Variants in MGAT4C observed in about 807,000 individuals in gnomAD.
MGAT4C encodes the protein MGAT4 family member C.
A neutral mutation model predicts 40.1 loss-of-function variants in MGAT4C; 19 were observed. That is an observed-to-expected ratio of 0.47 (90% CI 0.33 to 0.70). The LOEUF (loss-of-function observed/expected upper bound fraction) is 0.70. Ranked by LOEUF, MGAT4C falls within the 30% of genes least tolerant of loss-of-function variation. The pLI is 0.02. For synonymous variants in MGAT4C, 181 were observed against 187.1 expected (o/e 0.97, Z 0.27); for missense variants, 491 against 563.2 (o/e 0.87, Z 1.30).
chr12:86,290,841 T>G lies in MGAT4C; in HGVS notation c.-57+43224A>C, dbSNP rs76657966. Among the ~76,000 whole-genome samples the G allele has an allele frequency of 0.02, 3,046 of 152,256 alleles. 230 individuals carry two copies. In the East Asian group the frequency reaches 0.25, roughly 12 times the overall value. On this transcript the variant is annotated intron_variant, in intron 4 of 7. Coordinates refer to the MGAT4C transcript ENST00000548651. Reference sequence around the variant, plus strand: ...CTAAAAGTGTTTGAAAAATACATTCTTGCGGTATGTTACTATTATTGACAG... The same window carrying G: ...CTAAAAGTGTTTGAAAAATACATTCGTGCGGTATGTTACTATTATTGACAG...
intron 1 of MGAT4C, among the ~76,000 whole-genome samples, chr12:86,208,162 CT>C (rs1950333376): frequency 6.6e-6 from 1 of 152,144 alleles, no homozygotes; most frequent in Non-Finnish European, 1.5e-5. Flanking sequence ...AGAGCCTTTA[CT>C]TTAGAAAACC....
chr12:86,065,095 C>T (rs1482626442), intron 1 of MGAT4C, among the ~76,000 whole-genome samples: 2 of 152,078 alleles, frequency 1.3e-5, no homozygotes, highest in African/African-American at 2.4e-5. Flanking sequence ...AAAAAGCCCA[C>T]GACCAGACAG....
At chr12:86,744,503 T>C (rs776528294) in intron 1 of MGAT4C, among the ~76,000 whole-genome samples, 4 of 151,428 alleles carry the variant, frequency 2.6e-5, no homozygotes, top group Non-Finnish European at 5.9e-5. Context: ...ACATTTTGGT[T>C]CATCTAAAAC....
At chr12:86,298,032 A>C (rs1222587241) in intron 4 of MGAT4C, among the ~76,000 whole-genome samples, 1 of 152,168 alleles carries the variant, frequency 6.6e-6, no homozygotes, top group Non-Finnish European at 1.5e-5. Context: ...TACATGCATA[A>C]ATACATGCAC....
intron 2 of MGAT4C, among the ~76,000 whole-genome samples, chr12:86,462,618 G>A (rs1565778815): frequency 6.6e-6 from 1 of 152,128 alleles, no homozygotes. Context: ...AAACCAGACT[G>A]GGTCCCAAAA....
chr12:86,249,526 CA>C (rs1166146760), intron 1 of MGAT4C, among the ~76,000 whole-genome samples: 1 of 152,158 alleles, frequency 6.6e-6, no homozygotes, highest in South Asian at 2.1e-4. Flanking sequence ...TCCATCTCAT[CA>C]CAGCCCTTCT....
chr12:86,246,179 CTTTTTTTTTTTTTTT>C (rs57004605), intron 1 of MGAT4C, among the ~76,000 whole-genome samples: 2 of 70,122 alleles, frequency 2.9e-5, no homozygotes, highest in African/African-American at 1.1e-4. Flanking sequence ...TGTACCATTG[CTTTTTTTTTTTTTTT>C]TTTTTTTTTG....
chr12:86,630,172 C>T (rs11610247), intron 2 of MGAT4C, among the ~76,000 whole-genome samples: 18,040 of 151,936 alleles, frequency 0.12, 1,759 homozygotes, highest in African/African-American at 0.27. Flanking sequence ...ATAAATTCCT[C>T]GACACATACA....
intron 4 of MGAT4C, among the ~76,000 whole-genome samples, chr12:86,307,230 T>C (rs1266678959): frequency 1.3e-5 from 2 of 150,622 alleles, no homozygotes; most frequent in Non-Finnish European, 2.9e-5. Context: ...ATTAGATTTG[T>C]CTCATAATAA....
chr12:86,776,223 CT>C (rs1293859666), intron 1 of MGAT4C, among the ~76,000 whole-genome samples: 1 of 151,874 alleles, frequency 6.6e-6, no homozygotes, highest in Non-Finnish European at 1.5e-5. Context: ...TGGTAGGACA[CT>C]TTGAAAAAGA....
chr12:86,493,040 G>GA, intron 2 of MGAT4C, among the ~76,000 whole-genome samples: 2 of 150,812 alleles, frequency 1.3e-5, no homozygotes, highest in Admixed American at 1.3e-4. Context: ...AAAAACACAT[G>GA]AAAAAATGCT....
chr12:86,073,964 C>T (rs1385892587), intron 1 of MGAT4C, among the ~76,000 whole-genome samples: 1 of 152,040 alleles, frequency 6.6e-6, no homozygotes, highest in East Asian at 1.9e-4. Flanking sequence ...TTGGCTATGT[C>T]CTCACCCAAA....
At chr12:86,260,746 G>A (rs1952641439), upstream of MGAT4C, among the ~76,000 whole-genome samples, 1 of 151,974 alleles carries the variant, frequency 6.6e-6, no homozygotes, top group African/African-American at 2.4e-5. Context: ...GAACAATGTT[G>A]TCTAACTTGT....
At chr12:86,145,075 G>A (rs1883340785) in intron 1 of MGAT4C, among the ~76,000 whole-genome samples, 1 of 152,112 alleles carries the variant, frequency 6.6e-6, no homozygotes, top group Admixed American at 6.6e-5. Flanking sequence ...GCAAAACCTT[G>A]CCAACTTTTC....
chr12:86,503,844 C>G (rs1958420978), intron 2 of MGAT4C, among the ~76,000 whole-genome samples: 2 of 114,292 alleles, frequency 1.7e-5, no homozygotes, highest in African/African-American at 6.4e-5. Context: ...CTAAATTTTG[C>G]TACAAACTTA....
At chr12:86,315,184 A>G (rs1954174607) in intron 4 of MGAT4C, among the ~76,000 whole-genome samples, 1 of 152,154 alleles carries the variant, frequency 6.6e-6, no homozygotes, top group South Asian at 2.1e-4. Flanking sequence ...AACGAAACAG[A>G]ATGGAGAACC....
intron 2 of MGAT4C, among the ~76,000 whole-genome samples, chr12:86,439,690 AG>A (rs1201224097): frequency 6.6e-6 from 1 of 152,122 alleles, no homozygotes; most frequent in East Asian, 1.9e-4. Flanking sequence ...TGAAGCAAAA[AG>A]TTTTTTCTTT....
chr12:86,379,681 T>C (rs1289197259), intron 3 of MGAT4C, among the ~76,000 whole-genome samples: 2 of 152,138 alleles, frequency 1.3e-5, no homozygotes, highest in African/African-American at 4.8e-5. Flanking sequence ...AACAATACTT[T>C]TTTTAGAAAA....
chr12:86,805,735 C>G (rs1952340981), intron 1 of MGAT4C, among the ~76,000 whole-genome samples: 1 of 151,894 alleles, frequency 6.6e-6, no homozygotes, highest in South Asian at 2.1e-4. Context: ...TGGATAGATA[C>G]CAAGTAATGG....
Sources: allele counts gnomAD v4.1 joint callset (sites outside exome capture counted in the v4.1 genomes callset), GRCh38; gene constraint gnomAD v4.1.1; transcripts MANE v1.5; gene names NCBI Gene and HGNC (gene_info 2026-07-23, HGNC 2026-07-21).